The following CDK5RAP2 variants were observed in gnomAD, a reference collection of about 807,000 sequenced individuals.
CDK5RAP2 encodes the protein CDK5 regulatory subunit associated protein 2.
A neutral mutation model predicts 232.9 loss-of-function variants in CDK5RAP2; 147 were observed. The observed-to-expected ratio is 0.63, with a 90% CI of 0.55 to 0.72. CDK5RAP2 has a LOEUF of 0.72. Among genes scored for constraint, CDK5RAP2 ranks in the 30% least tolerant of loss-of-function variants. The pLI, the probability that CDK5RAP2 is intolerant of heterozygous loss-of-function variation, is 0.00. For synonymous variants in CDK5RAP2, 833 were observed against 833.7 expected (o/e 1.00, Z 0.01); for missense variants, 2,195 against 2,231.5 (o/e 0.98, Z 0.33).
chr9:120,520,649 T>A (rs909327799), intron 11 of CDK5RAP2, among the ~76,000 whole-genome samples: 7 of 150,980 alleles, frequency 4.6e-5, no homozygotes, highest in Non-Finnish European at 1.0e-4. Flanking sequence ...TCTCAAAAAA[T>A]ATATATATAT....
intron 10 of CDK5RAP2, among the ~76,000 whole-genome samples, chr9:120,527,231 A>G (rs899063280): frequency 2.0e-5 from 3 of 152,236 alleles, no homozygotes; most frequent in Non-Finnish European, 4.4e-5. Flanking sequence ...ACCTTGGATT[A>G]CAAACGCAAC....
At chr9:120,501,975 G>T (rs992501830) in intron 12 of CDK5RAP2, among the ~76,000 whole-genome samples, 20 of 152,304 alleles carry the variant, frequency 1.3e-4, no homozygotes, top group Non-Finnish European at 2.1e-4. Flanking sequence ...TTATGAATGA[G>T]GAAACAGGCT....
rs1588215798 is a variant in CDK5RAP2 at position 120,394,616 on chromosome 9, A to G, written c.5474T>C (p.Val1825Ala). ...AAACAATTTTTTATGTAGTTTGGTG[A>G]CCTCTGCCTTCATTTCTCCAATCTA... ...CEQIGEMKAE[V>A]TKLHKKLFEQ... The change falls in exon 36 of 38, where the codon GTC becomes GCC. Residue 1825 changes from valine (V) to alanine (A), a missense_variant. Transcript: ENST00000349780. The G allele has an allele frequency of 6.2e-7, 1 of 1,613,770 alleles. No individual in the cohort carries two copies. The highest frequency in any genetic ancestry group is 1.7e-4 in the Middle Eastern group (1 of 6,060).
chr9:120,545,435 G>T (rs571562419), intron 5 of CDK5RAP2, among the ~76,000 whole-genome samples: 1 of 152,184 alleles, frequency 6.6e-6, no homozygotes, highest in African/African-American at 2.4e-5. Context: ...GGGCTTCTGG[G>T]GGGCTGGCAT....
intron 17 of CDK5RAP2, among the ~76,000 whole-genome samples, chr9:120,469,247 G>A (rs529197303): frequency 7.2e-5 from 11 of 152,138 alleles, no homozygotes; most frequent in South Asian, 2.1e-4. Context: ...CTCCGAATTC[G>A]TCCTTCGAAA....
At chr9:120,518,817 G>C (rs1371886341) in intron 11 of CDK5RAP2, among the ~76,000 whole-genome samples, 172 bp from the exon 12 acceptor site, 1 of 152,040 alleles carries the variant, frequency 6.6e-6, no homozygotes, top group Admixed American at 6.6e-5. Flanking sequence ...AATAACATAA[G>C]ATAATGTTTC....
At chr9:120,464,807 T>C (rs2037284923) in intron 18 of CDK5RAP2, among the ~76,000 whole-genome samples, 2 of 152,178 alleles carry the variant, frequency 1.3e-5, no homozygotes, top group Non-Finnish European at 2.9e-5. Flanking sequence ...GTGCATACCA[T>C]ATGCCAGAAC....
intron 20 of CDK5RAP2, among the ~76,000 whole-genome samples, chr9:120,456,155 G>C (rs2036762312): frequency 6.6e-6 from 1 of 152,246 alleles, no homozygotes; most frequent in African/African-American, 2.4e-5. Flanking sequence ...GGGAAGTAGA[G>C]AGGAGAGACC....
In CDK5RAP2 at chr9:120,518,448, G is replaced by A. The variant is rs150005843; in HGVS notation, c.1290C>T (p.Ser430=). The change falls in exon 12 of 38, where the codon AGC becomes AGT. Residue 430 remains serine, a synonymous_variant. Transcript: ENST00000349780. ...KDLEEAHREK[S]KGDCTIRDLR... Reference sequence around the variant, plus strand: ...TCACACGGATGGTGCAGTCTCCTTTGCTCTTCTCTCGATGGGCTTCCTCCA... The same window carrying A: ...TCACACGGATGGTGCAGTCTCCTTTACTCTTCTCTCGATGGGCTTCCTCCA... 6.2e-6 allele frequency: 10 copies of A among 1,613,540 alleles called. No homozygotes were observed. Among genetic ancestry groups the A allele is most frequent in the African/African-American group, 5.3e-5 (4 of 74,810 alleles).
At position 120,400,766 on chromosome 9, in the gene CDK5RAP2, G is replaced by A. The variant is rs769080804; in HGVS notation, c.5427C>T (p.Gly1809=). The A allele has an allele frequency of 6.2e-7, 1 of 1,613,882 alleles. No individual in the cohort carries two copies. Among genetic ancestry groups the A allele is most frequent in the Non-Finnish European group, 8.5e-7 (1 of 1,180,014 alleles). ...LLWRVSLPED[G]QCPLHCEQIG... ...CCTGCTCACAGTGAAGGGGGCACTG[G>A]CCATCCTCGGGGAGTGAGACTCTCC... is the stretch of plus-strand genomic sequence containing the variant. The change falls in exon 35 of 38, where the codon GGC becomes GGT. Residue 1809 remains glycine (G), a synonymous_variant. Coordinates refer to ENST00000349780, the MANE Select transcript of CDK5RAP2 (RefSeq NM_018249.6).
chr9:120,440,719 T>C (rs62577973), intron 23 of CDK5RAP2, among the ~76,000 whole-genome samples: 14,374 of 152,304 alleles, frequency 0.094, 856 homozygotes, highest in Middle Eastern at 0.16. Flanking sequence ...AGCAGAGATG[T>C]GGCCTTTCAT....
At chr9:120,454,590 G>T (rs73660250) in intron 20 of CDK5RAP2, among the ~76,000 whole-genome samples, 12,741 of 152,218 alleles carry the variant, frequency 0.084, 1,098 homozygotes, top group African/African-American at 0.22. Flanking sequence ...CTTCAGCTGC[G>T]GCTGTGTGGA....
At chr9:120,559,542 T>C (rs144419939) in intron 3 of CDK5RAP2, among the ~76,000 whole-genome samples, 1 of 134,182 alleles carries the variant, frequency 7.5e-6, no homozygotes, top group Non-Finnish European at 1.6e-5. Context: ...GTTTTTCTCA[T>C]GTGTACTTTT....
chr9:120,520,287 T>G (rs917734700), intron 11 of CDK5RAP2, among the ~76,000 whole-genome samples: 3 of 152,202 alleles, frequency 2.0e-5, no homozygotes, highest in Admixed American at 2.0e-4. Flanking sequence ...GCTCGCTGCC[T>G]GTAATCCCAA....
intron 11 of CDK5RAP2, 38 bp downstream of exon 11, chr9:120,524,948 A>T: frequency 6.8e-7 from 1 of 1,469,390 alleles, no homozygotes; most frequent in Admixed American, 1.7e-5. Flanking sequence ...AGGGGTCAGG[A>T]TCAAAGAGAC....
At chr9:120,452,483 C>T (rs2036531954) in intron 21 of CDK5RAP2, among the ~76,000 whole-genome samples, 1 of 151,772 alleles carries the variant, frequency 6.6e-6, no homozygotes, top group South Asian at 2.1e-4. Flanking sequence ...ACAAAACACC[C>T]ATCAGAAACA....
intron 1 of CDK5RAP2, among the ~76,000 whole-genome samples, chr9:120,575,720 C>G (rs10760103): frequency 0.086 from 13,160 of 152,176 alleles, 796 homozygotes; most frequent in East Asian, 0.29. Flanking sequence ...CTCCTCGCTC[C>G]CATCTAGAAC....
At chr9:120,467,757 C>T in intron 18 of CDK5RAP2, 103 bp downstream of exon 18, 1 of 1,257,084 alleles carries the variant, frequency 8.0e-7, no homozygotes, top group Non-Finnish European at 1.1e-6. Flanking sequence ...GTGATCCTCC[C>T]ACCTCAGCCT....
chr9:120,447,355 A>C (rs1411064786), intron 22 of CDK5RAP2, among the ~76,000 whole-genome samples: 1 of 152,182 alleles, frequency 6.6e-6, no homozygotes, highest in African/African-American at 2.4e-5. Flanking sequence ...ACTTCCTCCA[A>C]GTCTCTGGAT....
Sources: gnomAD v4.1 joint callset for allele counts (sites outside exome capture counted in the v4.1 genomes callset) on GRCh38, gnomAD v4.1.1 for gene constraint, MANE v1.5 for transcripts, NCBI Gene and HGNC (gene_info 2026-07-23, HGNC 2026-07-21) for gene names.